NAALADL2: variants seen among roughly 807,000 people sequenced by gnomAD.
The protein encoded by NAALADL2 is N-acetylated alpha-linked acidic dipeptidase like 2, also known as inactive N-acetylated-alpha-linked acidic dipeptidase-like protein 2.
NAALADL2 carries 76 observed loss-of-function variants against 87.2 expected under a neutral mutation model. The ratio of observed to expected loss-of-function variants is 0.87; its 90% confidence interval spans 0.72 to 1.05. NAALADL2 has a LOEUF of 1.05. Ranked by LOEUF, NAALADL2 falls within the 50% of genes least tolerant of loss-of-function variation. The pLI, the probability that NAALADL2 is intolerant of heterozygous loss-of-function variation, is 0.00. For missense variants in NAALADL2, 1,089 were observed against 945.8 expected (o/e 1.15, Z -1.99); for synonymous variants, 354 against 331.0 (o/e 1.07, Z -0.75).
chr3:175,655,957 A>G lies in NAALADL2; in HGVS notation c.1896+28571A>G, dbSNP rs150311423. On this transcript the variant is annotated intron_variant, in intron 11 of 13. Transcript: ENST00000454872. ...CTAGCATTTTTATGTCAGTTGGAAG[A>G]GACTGTAGAAATTGCCCATTTAACT... Among the ~76,000 whole-genome samples the G allele has an allele frequency of 1.5e-3, 224 of 152,246 alleles. 1 individual carries two copies. Among genetic ancestry groups the G allele is most frequent in the African/African-American group, 5.0e-3 (208 of 41,560 alleles).
rs545679107 is a variant in NAALADL2, at chr3:175,126,321, G to A, written c.545+29030G>A. ...AGACTATGGGCTTTAATTTGATAGA[G>A]GTATAAGGGAAAAGGTACATTTTAA... On this transcript the variant is annotated intron_variant, in intron 2 of 13. Coordinates refer to ENST00000454872, the MANE Select transcript of NAALADL2 (RefSeq NM_207015.3). 9.7e-4 allele frequency among the ~76,000 whole-genome samples: 148 copies of A among 152,114 alleles called. 1 individual carries two copies. The highest frequency in any genetic ancestry group is 1.7e-3 in the South Asian group (8 of 4,812).
intron 3 of NAALADL2, among the ~76,000 whole-genome samples, chr3:174,781,629 G>C (rs1201186693): frequency 1.3e-5 from 2 of 151,976 alleles, no homozygotes; most frequent in Admixed American, 6.6e-5. Context: ...GTGATAGAGA[G>C]GGAAATTGAA....
intron 2 of NAALADL2, among the ~76,000 whole-genome samples, chr3:175,104,172 A>ACC (rs1722705169): frequency 6.6e-6 from 1 of 152,030 alleles, no homozygotes; most frequent in Non-Finnish European, 1.5e-5. Context: ...CACTTCATTT[A>ACC]CCAAAGAATG....
chr3:174,983,459 T>G (rs1745399641), intron 1 of NAALADL2, among the ~76,000 whole-genome samples: 1 of 152,156 alleles, frequency 6.6e-6, no homozygotes, highest in Non-Finnish European at 1.5e-5. Flanking sequence ...TATAACAAAA[T>G]ATCGTCAAGT....
At chr3:174,683,189 A>G (rs545679980) in intron 2 of NAALADL2, among the ~76,000 whole-genome samples, 1 of 152,324 alleles carries the variant, frequency 6.6e-6, no homozygotes, top group African/African-American at 2.4e-5. Flanking sequence ...GAAGACACGC[A>G]ATTTGAAAAT....
chr3:175,180,709 TTA>T lies in NAALADL2; in HGVS notation c.546-53221_546-53220del, dbSNP rs1022454878. 2.1e-3 allele frequency among the ~76,000 whole-genome samples: 314 copies of T among 151,120 alleles called. 1 individual carries two copies. Among genetic ancestry groups the T allele is most frequent in the Non-Finnish European group, 1.8e-3 (125 of 67,746 alleles). On this transcript the variant is annotated intron_variant, in intron 2 of 13. Transcript: ENST00000454872. ...ATTATTATCATAATCATAAATATCA[TTA>T]GTTATTTTAAATATAATGTATAATA...
chr3:175,089,041 A>C (rs551999995), intron 1 of NAALADL2, among the ~76,000 whole-genome samples: 1 of 152,144 alleles, frequency 6.6e-6, no homozygotes. Context: ...AAAATTGTAA[A>C]TGTTGTTAAG....
At chr3:174,947,635 C>G (rs936614268) in intron 1 of NAALADL2, among the ~76,000 whole-genome samples, 2 of 151,920 alleles carry the variant, frequency 1.3e-5, no homozygotes, top group Non-Finnish European at 2.9e-5. Flanking sequence ...AAAAAAAACA[C>G]TGATAACTTT....
At chr3:175,629,086 T>C (rs887272064) in intron 11 of NAALADL2, among the ~76,000 whole-genome samples, 2 of 149,834 alleles carry the variant, frequency 1.3e-5, no homozygotes, top group African/African-American at 4.9e-5. Flanking sequence ...CTCCTTAGTA[T>C]TCAAAATCTT....
At chr3:174,804,404 G>A (rs1042722175) in intron 3 of NAALADL2, among the ~76,000 whole-genome samples, 3 of 152,038 alleles carry the variant, frequency 2.0e-5, no homozygotes, top group South Asian at 4.1e-4. Context: ...CTATCATGTC[G>A]TCTGCAAACA....
At chr3:174,679,226 G>T (rs1339812981) in intron 2 of NAALADL2, among the ~76,000 whole-genome samples, 3 of 151,934 alleles carry the variant, frequency 2.0e-5, no homozygotes, top group Non-Finnish European at 4.4e-5. Flanking sequence ...CATATTCCAT[G>T]TCCTTGTCTC....
chr3:175,212,270 A>C (rs1361492002), intron 2 of NAALADL2, among the ~76,000 whole-genome samples: 2 of 151,982 alleles, frequency 1.3e-5, no homozygotes, highest in Non-Finnish European at 2.9e-5. Flanking sequence ...ACATCTATAC[A>C]CTAGAGAACT....
At chr3:175,208,295 C>T (rs192119942) in intron 2 of NAALADL2, among the ~76,000 whole-genome samples, 2 of 152,186 alleles carry the variant, frequency 1.3e-5, no homozygotes, top group African/African-American at 2.4e-5. Flanking sequence ...AAAGTCTATT[C>T]GGAATACTCG....
At chr3:175,103,437 G>T (rs1722571622) in intron 2 of NAALADL2, among the ~76,000 whole-genome samples, 2 of 152,010 alleles carry the variant, frequency 1.3e-5, no homozygotes, top group African/African-American at 4.8e-5. Context: ...GACACTATTT[G>T]TTTAGGTTAT....
intron 2 of NAALADL2, among the ~76,000 whole-genome samples, chr3:174,701,193 A>G (rs1205223464): frequency 2.6e-5 from 4 of 151,098 alleles, no homozygotes; most frequent in African/African-American, 7.3e-5. Context: ...TGATAATTTT[A>G]TAATTATAAT....
intron 1 of NAALADL2, among the ~76,000 whole-genome samples, chr3:174,917,162 AAAG>A (rs1174354982): frequency 2.6e-5 from 4 of 152,142 alleles, no homozygotes; most frequent in Admixed American, 1.3e-4. Context: ...TAGTAGGAGC[AAAG>A]AAGATTTGTA....
At chr3:174,958,966 C>T (rs1202199069) in intron 1 of NAALADL2, among the ~76,000 whole-genome samples, 1 of 152,018 alleles carries the variant, frequency 6.6e-6, no homozygotes, top group Non-Finnish European at 1.5e-5. Context: ...GTAATTATTT[C>T]CGAAGTGTTG....
intron 5 of NAALADL2, among the ~76,000 whole-genome samples, chr3:175,392,772 C>T (rs1270836371): frequency 6.6e-6 from 1 of 152,132 alleles, no homozygotes; most frequent in African/African-American, 2.4e-5. Flanking sequence ...AAGATTGATT[C>T]TGAATTACAG....
chr3:174,582,392 C>T (rs1193674897), intron 2 of NAALADL2, among the ~76,000 whole-genome samples: 3 of 152,176 alleles, frequency 2.0e-5, no homozygotes, highest in African/African-American at 7.2e-5. Context: ...CACTGTATTA[C>T]CGGAAAGTGA....
Sources: allele counts gnomAD v4.1 joint callset (sites outside exome capture counted in the v4.1 genomes callset), GRCh38; gene constraint gnomAD v4.1.1; transcripts MANE v1.5; gene names NCBI Gene and HGNC (gene_info 2026-07-23, HGNC 2026-07-21).